The following SRGAP3 variants were observed in gnomAD, a reference collection of about 807,000 sequenced individuals.
SRGAP3 encodes SLIT-ROBO Rho GTPase-activating protein 3.
In SRGAP3, 39 loss-of-function variants were observed where a neutral mutation model predicts 121.1. That is an observed-to-expected ratio of 0.32 (90% confidence interval 0.25 to 0.42). SRGAP3 has a LOEUF of 0.42. SRGAP3 is among the 10% of genes least tolerant of loss of function. The pLI, the probability that SRGAP3 is intolerant of heterozygous loss-of-function variation, is 1.00. For missense variants in SRGAP3, 1,213 were observed against 1,470.6 expected (o/e 0.82, Z 2.86); for synonymous variants, 601 against 570.0 (o/e 1.05, Z -0.77).
intron 1 of SRGAP3, among the ~76,000 whole-genome samples, chr3:9,156,307 TTC>T (rs1193353584): frequency 2.0e-5 from 3 of 152,214 alleles, no homozygotes; most frequent in Non-Finnish European, 4.4e-5. Context: ...GTTTGTTGCA[TTC>T]TCTCTCAATC....
chr3:9,124,274 A>G (rs888434414), intron 2 of SRGAP3, among the ~76,000 whole-genome samples: 2 of 152,224 alleles, frequency 1.3e-5, no homozygotes, highest in Admixed American at 6.5e-5. Context: ...TTGAGCATCA[A>G]TTCCATGGAG....
intron 5 of SRGAP3, among the ~76,000 whole-genome samples, chr3:9,062,125 T>G (rs1427176220): frequency 6.6e-6 from 1 of 152,192 alleles, no homozygotes; most frequent in African/African-American, 2.4e-5. Flanking sequence ...CTATTTCCAG[T>G]GGACAACTAT....
At chr3:9,317,135 C>G (rs1349512698) in intron 3 of SRGAP3, among the ~76,000 whole-genome samples, 1 of 152,186 alleles carries the variant, frequency 6.6e-6, no homozygotes, top group Non-Finnish European at 1.5e-5. Context: ...CTTCCGAGAG[C>G]CTGGGGAGCA....
At chr3:9,206,567 T>G (rs950620488) in intron 1 of SRGAP3, among the ~76,000 whole-genome samples, 1 of 152,188 alleles carries the variant, frequency 6.6e-6, no homozygotes, top group Admixed American at 6.5e-5. Flanking sequence ...CTGATGGTGC[T>G]CCTGCCACAG....
intron 18 of SRGAP3, among the ~76,000 whole-genome samples, chr3:8,995,171 T>C (rs757637746): frequency 3.9e-5 from 6 of 152,132 alleles, no homozygotes; most frequent in Non-Finnish European, 7.4e-5. Context: ...AGTGCTGGTG[T>C]CTTTATAAGA....
intron 3 of SRGAP3, among the ~76,000 whole-genome samples, chr3:9,082,658 G>A (rs998654919): frequency 2.6e-5 from 4 of 152,230 alleles, no homozygotes; most frequent in African/African-American, 9.6e-5. Flanking sequence ...TCCCTGAGCA[G>A]CTGCAGCCTC....
At chr3:9,012,357 A>G (rs1479589077) in intron 17 of SRGAP3, among the ~76,000 whole-genome samples, 1 of 152,254 alleles carries the variant, frequency 6.6e-6, no homozygotes, top group Non-Finnish European at 1.5e-5. Flanking sequence ...AATTGGAAAT[A>G]AAGAAATAGT....
At chr3:9,098,064 A>G (rs926528716) in intron 3 of SRGAP3, among the ~76,000 whole-genome samples, 30 of 152,190 alleles carry the variant, frequency 2.0e-4, no homozygotes, top group Admixed American at 1.3e-3. Flanking sequence ...CTCGCTTCAA[A>G]TGCTGCTTCC....
chr3:9,117,052 G>A (rs377597015), intron 2 of SRGAP3, among the ~76,000 whole-genome samples: 11 of 152,136 alleles, frequency 7.2e-5, no homozygotes, highest in East Asian at 3.9e-4. Flanking sequence ...GCTGGCACAC[G>A]GTGCTGAGAG....
chr3:9,103,506 G>C (rs147544892), intron 3 of SRGAP3, among the ~76,000 whole-genome samples: 158 of 152,290 alleles, frequency 1.0e-3, no homozygotes, highest in African/African-American at 3.6e-3. Context: ...GAGCATTGAA[G>C]TAACAAGCCC....
intron 3 of SRGAP3, 78 bp downstream of exon 3, chr3:9,104,602 C>T: frequency 1.3e-6 from 2 of 1,586,908 alleles, no homozygotes; most frequent in Non-Finnish European, 1.7e-6. Context: ...AACCACATCC[C>T]ACCCTGGCTG....
intron 3 of SRGAP3, among the ~76,000 whole-genome samples, chr3:9,287,929 AT>A (rs1247001620): frequency 1.3e-5 from 2 of 151,096 alleles, no homozygotes; most frequent in African/African-American, 2.4e-5. Flanking sequence ...GTAGGTGTGA[AT>A]TTTTTTTTAA....
At chr3:9,194,507 C>T (rs911881030) in intron 1 of SRGAP3, 3 of 152,214 alleles carry the variant, frequency 2.0e-5, no homozygotes, top group African/African-American at 7.2e-5. Flanking sequence ...ATGCTGGGTT[C>T]TGCAGGTAAT....
At chr3:9,302,008 T>C (rs1574985791) in intron 3 of SRGAP3, among the ~76,000 whole-genome samples, 1 of 152,202 alleles carries the variant, frequency 6.6e-6, no homozygotes, top group Admixed American at 6.5e-5. Flanking sequence ...TCTATCCAGG[T>C]AGGGTGCTGG....
chr3:9,142,755 G>A (rs557821020), intron 1 of SRGAP3, among the ~76,000 whole-genome samples: 10 of 150,612 alleles, frequency 6.6e-5, no homozygotes, highest in Admixed American at 4.0e-4. Flanking sequence ...TCTGCAGAAA[G>A]CAAGGTAGTT....
At chr3:9,338,934 A>T (rs1468992345) in intron 1 of SRGAP3, among the ~76,000 whole-genome samples, 1 of 152,232 alleles carries the variant, frequency 6.6e-6, no homozygotes. Flanking sequence ...GGTTTTAGAC[A>T]AATTTCATAA....
chr3:9,309,090 C>T (rs1030306318), intron 3 of SRGAP3, among the ~76,000 whole-genome samples: 4 of 152,236 alleles, frequency 2.6e-5, no homozygotes, highest in Non-Finnish European at 5.9e-5. Context: ...GGCTTGTCCC[C>T]TCAGGATGCT....
At chr3:9,205,373 A>T (rs563029947) in intron 1 of SRGAP3, among the ~76,000 whole-genome samples, 5 of 152,356 alleles carry the variant, frequency 3.3e-5, no homozygotes, top group African/African-American at 1.2e-4. Flanking sequence ...TTGCCCTTGC[A>T]GCACGTCTCA....
intron 3 of SRGAP3, among the ~76,000 whole-genome samples, chr3:9,085,189 C>G (rs1463949488): frequency 6.6e-6 from 1 of 152,216 alleles, no homozygotes; most frequent in African/African-American, 2.4e-5. Context: ...GAGCACCCTA[C>G]AGGGATGGCC....
Sources: allele counts gnomAD v4.1 joint callset (sites outside exome capture counted in the v4.1 genomes callset), GRCh38; gene constraint gnomAD v4.1.1; transcripts MANE v1.5; gene names NCBI Gene and HGNC (gene_info 2026-07-23, HGNC 2026-07-21).